Variants in SLC35D4 observed in about 807,000 individuals in gnomAD.
SLC35D4 encodes solute carrier family 35 member D4.
the SLC35D4 span, among the ~76,000 whole-genome samples, chr18:23,355,483 A>C: frequency 6.6e-6 from 1 of 152,146 alleles, no homozygotes; most frequent in African/African-American, 2.4e-5. Flanking sequence ...AGGCCTAACC[A>C]ATTGACAGGA....
the SLC35D4 span, chr18:23,356,637 G>A: frequency 6.2e-7 from 1 of 1,614,154 alleles, no homozygotes; most frequent in South Asian, 1.1e-5. This position sits in a 1 kb window ranked among gnomAD's most constrained non-coding sequence, Gnocchi z 4.1. Flanking sequence ...TACAGGAATG[G>A]GAAGTCCAGG....
chr18:23,359,055 G>C, the SLC35D4 span, among the ~76,000 whole-genome samples: 2 of 152,120 alleles, frequency 1.3e-5, no homozygotes, highest in South Asian at 2.1e-4. Context: ...ATCTAGTGCT[G>C]AACTACACGG....
chr18:23,282,535 T>TTGC, the SLC35D4 span, among the ~76,000 whole-genome samples: 1 of 152,206 alleles, frequency 6.6e-6, no homozygotes, highest in Non-Finnish European at 1.5e-5. Context: ...CCCCAGTGGT[T>TTGC]TGCTGTTGGG....
the SLC35D4 span, among the ~76,000 whole-genome samples, chr18:23,264,023 G>T: frequency 6.6e-6 from 1 of 152,206 alleles, no homozygotes; most frequent in Non-Finnish European, 1.5e-5. Flanking sequence ...CTGGTACACA[G>T]AATTCACCAA....
At chr18:23,433,625 T>G in the SLC35D4 span, among the ~76,000 whole-genome samples, 1 of 152,158 alleles carries the variant, frequency 6.6e-6, no homozygotes, top group African/African-American at 2.4e-5. Flanking sequence ...TTCTCCTCCC[T>G]CCCTACCTAG....
chr18:23,360,796 T>G, the SLC35D4 span, among the ~76,000 whole-genome samples: 5 of 152,126 alleles, frequency 3.3e-5, no homozygotes, highest in African/African-American at 4.8e-5. Flanking sequence ...ACCAAATAAC[T>G]AAGATACAGG....
chr18:23,430,632 C>T, the SLC35D4 span: 1 of 1,610,764 alleles, frequency 6.2e-7, no homozygotes, highest in East Asian at 2.2e-5. Context: ...GATACTCACC[C>T]TTGGAATAAT....
At chr18:23,402,639 C>A in the SLC35D4 span, among the ~76,000 whole-genome samples, 1 of 151,358 alleles carries the variant, frequency 6.6e-6, no homozygotes, top group Non-Finnish European at 1.5e-5. Context: ...CCTGTCTCTA[C>A]AAAAAATTTA....
the SLC35D4 span, among the ~76,000 whole-genome samples, chr18:23,363,935 T>C: frequency 2.0e-5 from 3 of 152,200 alleles, 1 homozygote; most frequent in Admixed American, 1.3e-4. Context: ...TCATCGTTCA[T>C]AGGAGCAGGC....
At chr18:23,350,509 T>C in the SLC35D4 span, among the ~76,000 whole-genome samples, 1 of 152,146 alleles carries the variant, frequency 6.6e-6, no homozygotes, top group Admixed American at 6.5e-5. Context: ...TGGCCAGGAA[T>C]ACGTGAGCCT....
the SLC35D4 span, among the ~76,000 whole-genome samples, chr18:23,265,096 G>A: frequency 6.6e-6 from 1 of 152,096 alleles, no homozygotes; most frequent in South Asian, 2.1e-4. Context: ...ATGAAATTTG[G>A]GTGGGGATAA....
the SLC35D4 span, among the ~76,000 whole-genome samples, chr18:23,363,460 C>T: frequency 4.1e-5 from 6 of 146,396 alleles, no homozygotes; most frequent in Admixed American, 4.1e-4. Context: ...CTGCAAGCTC[C>T]GCCTCCCGGG....
At chr18:23,293,682 A>G in the SLC35D4 span, among the ~76,000 whole-genome samples, 81 of 152,376 alleles carry the variant, frequency 5.3e-4, no homozygotes, top group Middle Eastern at 3.4e-3. Flanking sequence ...GGTTAAAGCT[A>G]CAAGAACTCC....
chr18:23,392,006 T>C, the SLC35D4 span, among the ~76,000 whole-genome samples: 1 of 151,966 alleles, frequency 6.6e-6, no homozygotes, highest in Non-Finnish European at 1.5e-5. Flanking sequence ...GATGCGATCT[T>C]GGCTCACTGC....
the SLC35D4 span, chr18:23,352,083 CA>C: frequency 6.4e-6 from 5 of 781,654 alleles, no homozygotes; most frequent in Non-Finnish European, 1.0e-5. Flanking sequence ...GGCTCAGGGA[CA>C]GCGCCTAGAA....
chr18:23,318,350 T>A, the SLC35D4 span, among the ~76,000 whole-genome samples: 1 of 152,232 alleles, frequency 6.6e-6, no homozygotes. Flanking sequence ...ATCAGATATA[T>A]GATTTGTTTG....
the SLC35D4 span, among the ~76,000 whole-genome samples, chr18:23,252,174 T>G: frequency 3.3e-5 from 5 of 152,078 alleles, no homozygotes; most frequent in Middle Eastern, 3.4e-3. Context: ...GGCAAATTTA[T>G]AGAGACATAA....
the SLC35D4 span, among the ~76,000 whole-genome samples, chr18:23,408,961 C>G: frequency 6.6e-6 from 1 of 151,782 alleles, no homozygotes; most frequent in Non-Finnish European, 1.5e-5. Flanking sequence ...ATAGTGAAAC[C>G]CTGTCTCTAC....
the SLC35D4 span, among the ~76,000 whole-genome samples, chr18:23,427,792 G>A: frequency 6.6e-6 from 1 of 152,146 alleles, no homozygotes; most frequent in South Asian, 2.1e-4. Flanking sequence ...ATGATAGACT[G>A]GATTAAGAAA....
Sources: gnomAD v4.1 joint callset for allele counts (sites outside exome capture counted in the v4.1 genomes callset) on GRCh38, gnomAD v4.1.1 for gene constraint, Gnocchi (gnomAD v3.1) non-coding constraint, MANE v1.5 for transcripts, NCBI Gene and HGNC (gene_info 2026-07-23, HGNC 2026-07-21) for gene names.